FHAD1: variants seen among roughly 807,000 people sequenced by gnomAD.
FHAD1 encodes forkhead associated phosphopeptide binding domain 1.
FHAD1 carries 146 observed loss-of-function variants against 191.3 expected under a neutral mutation model. The ratio of observed to expected loss-of-function variants is 0.76; its 90% CI spans 0.67 to 0.88. The LOEUF (loss-of-function observed/expected upper bound fraction) is 0.88. Among genes scored for constraint, FHAD1 ranks in the 40% least tolerant of loss-of-function variants. The pLI is 0.00. For missense variants in FHAD1, 1,635 were observed against 1,785.8 expected (o/e 0.92, Z 1.52); for synonymous variants, 616 against 672.3 (o/e 0.92, Z 1.29).
At chr1:15,382,326 A>G (rs1428098066) in intron 31 of FHAD1, 133 bp downstream of exon 31, 1 of 876,640 alleles carries the variant, frequency 1.1e-6, no homozygotes, top group African/African-American at 1.7e-5. Flanking sequence ...GCAACTGGAT[A>G]GCTTTTGCAT....
At chr1:15,354,360 C>T (rs1691972563) in intron 20 of FHAD1, among the ~76,000 whole-genome samples, 1 of 152,186 alleles carries the variant, frequency 6.6e-6, no homozygotes, top group African/African-American at 2.4e-5. Context: ...GATCGCACGT[C>T]AGCCCTGGAC....
chr1:15,317,010 AC>A (rs1207927304), intron 9 of FHAD1, among the ~76,000 whole-genome samples: 1 of 151,950 alleles, frequency 6.6e-6, no homozygotes, highest in Non-Finnish European at 1.5e-5. Flanking sequence ...ACACGGTGAA[AC>A]CCCGTCTCTA....
At position 15,251,273 on chromosome 1, in the gene FHAD1, C is replaced by CA. The variant is rs35431694; in HGVS notation, c.-14-486dup. ...TGGATGACAAAGTGAGACCCTGTCT[C>CA]AAAAAAAAAAAACAAAAAAAACCAC... On this transcript the variant is annotated intron_variant, in intron 1 of 33. Transcript: ENST00000688493. 7.1e-3 allele frequency among the ~76,000 whole-genome samples: 840 copies of CA among 118,768 alleles called. 4 individuals carry two copies. Among genetic ancestry groups the CA allele is most frequent in the African/African-American group, 0.012 (321 of 25,892 alleles). 77.9% of individuals were successfully genotyped at this position (118,768 alleles called of 152,430 possible). A position where few individuals can be genotyped will look rare whatever the true frequency, so the allele number is the denominator to read the frequency against.
intron 33 of FHAD1, among the ~76,000 whole-genome samples, chr1:15,394,253 C>T (rs1178639497): frequency 6.6e-6 from 1 of 152,194 alleles, no homozygotes; most frequent in Non-Finnish European, 1.5e-5. Context: ...TCTGGCAGCC[C>T]TGGGGCTGGA....
At chr1:15,368,465 T>A (rs1269825281) in intron 25 of FHAD1, among the ~76,000 whole-genome samples, 1 of 152,204 alleles carries the variant, frequency 6.6e-6, no homozygotes, top group Non-Finnish European at 1.5e-5. Context: ...AAAATCCCCG[T>A]GAGTTGCATT....
At chr1:15,254,394 G>A (rs894483171) in intron 2 of FHAD1, among the ~76,000 whole-genome samples, 13 of 152,174 alleles carry the variant, frequency 8.5e-5, no homozygotes, top group African/African-American at 3.1e-4. Flanking sequence ...TCACAGGGCT[G>A]TAGGGATTAA....
intron 31 of FHAD1, chr1:15,383,356 C>T: frequency 9.5e-6 from 4 of 421,856 alleles, no homozygotes; most frequent in South Asian, 7.0e-5. Context: ...CTTCCCCATG[C>T]TGCCCATGAC....
chr1:15,303,230 C>T (rs1669374801), intron 6 of FHAD1, among the ~76,000 whole-genome samples: 1 of 152,210 alleles, frequency 6.6e-6, no homozygotes, highest in African/African-American at 2.4e-5. Flanking sequence ...CAGTGACCCT[C>T]CTTCAGACCT....
intron 31 of FHAD1, chr1:15,383,979 CGTG>C (rs1701517463): frequency 2.9e-6 from 1 of 350,216 alleles, no homozygotes; most frequent in South Asian, 2.2e-5. Flanking sequence ...TGTGCATTCT[CGTG>C]TGTGTGTACA....
chr1:15,324,084 A>G (rs1265361464), intron 10 of FHAD1, among the ~76,000 whole-genome samples: 2 of 152,190 alleles, frequency 1.3e-5, no homozygotes, highest in Non-Finnish European at 2.9e-5. Flanking sequence ...CAAACTTTTT[A>G]AAATCCCCAC....
intron 33 of FHAD1, among the ~76,000 whole-genome samples, chr1:15,392,842 A>C (rs1704556111): frequency 6.6e-6 from 1 of 152,012 alleles, no homozygotes; most frequent in African/African-American, 2.4e-5. Flanking sequence ...GCTATATGCT[A>C]TAAAGGAAAA....
At position 15,328,425 on chromosome 1, in the gene FHAD1, GC is replaced by G; in HGVS notation, c.1708del (p.Gln570ArgfsTer4). 6.6e-7 allele frequency: 1 copy of G among 1,513,332 alleles called. No homozygotes were observed. Among genetic ancestry groups the G allele is most frequent in the South Asian group, 1.3e-5 (1 of 78,486 alleles). 93.7% of individuals were successfully genotyped at this position (1,513,332 alleles called of 1,614,324 possible). On this transcript the variant is annotated frameshift_variant, in exon 13 of 34. Coordinates refer to ENST00000688493, the MANE Select transcript of FHAD1 (RefSeq NM_001391957.1). LOFTEE classifies it high-confidence loss of function. ...AAGCTGAGGACGTCGCTGGACAGCT[GC>G]CAGGTGGCCCCTCCTTACGCTTTCC... ...IEKLRTSLDS[C>X]QACMKISCCS...
chr1:15,273,938 C>G (rs1657221251), intron 3 of FHAD1, among the ~76,000 whole-genome samples: 1 of 152,222 alleles, frequency 6.6e-6, no homozygotes, highest in Non-Finnish European at 1.5e-5. Flanking sequence ...CGTTCTACTT[C>G]CTGTCTCTGT....
intron 10 of FHAD1, among the ~76,000 whole-genome samples, chr1:15,320,178 A>C (rs534237116): frequency 2.6e-5 from 4 of 152,060 alleles, no homozygotes; most frequent in Non-Finnish European, 5.9e-5. Context: ...CTTTTTTGTT[A>C]CTGATTTTTA....
At chr1:15,310,379 C>T (rs1198278156) in intron 7 of FHAD1, among the ~76,000 whole-genome samples, 1 of 152,174 alleles carries the variant, frequency 6.6e-6, no homozygotes, top group African/African-American at 2.4e-5. Flanking sequence ...TACTTGTGAG[C>T]CCTATGGGCA....
At chr1:15,247,170 C>T (rs1041878695), upstream of FHAD1, 8 of 154,662 alleles carry the variant, frequency 5.2e-5, no homozygotes, top group South Asian at 1.8e-4. Flanking sequence ...GCCCCCTCTG[C>T]CGCGCAGGCC....
intron 2 of FHAD1, among the ~76,000 whole-genome samples, chr1:15,255,323 A>T (rs1293180193): frequency 6.6e-6 from 1 of 152,224 alleles, no homozygotes; most frequent in East Asian, 1.9e-4. Context: ...GAAGGTAATT[A>T]TGGGCCTATT....
intron 2 of FHAD1, among the ~76,000 whole-genome samples, chr1:15,252,114 G>A (rs530003506): frequency 8.5e-5 from 13 of 152,118 alleles, no homozygotes; most frequent in South Asian, 4.1e-4. Context: ...TTTGCTGAAC[G>A]CATCTGTCAC....
chr1:15,352,728 C>A, intron 19 of FHAD1, 149 bp from the exon 20 acceptor site: 1 of 631,714 alleles, frequency 1.6e-6, no homozygotes. Context: ...ATGGTTCTCA[C>A]CTCTGTCCCC....
Sources: gnomAD v4.1 joint callset for allele counts (sites outside exome capture counted in the v4.1 genomes callset) on GRCh38, gnomAD v4.1.1 for gene constraint, MANE v1.5 for transcripts, NCBI Gene and HGNC (gene_info 2026-07-23, HGNC 2026-07-21) for gene names.